Variants in ATG16L2 observed in about 807,000 individuals in gnomAD.
ATG16L2 encodes protein Atg16l2.
Under a neutral mutation model 84.7 loss-of-function variants are expected in ATG16L2, and 77 were observed. That is an observed-to-expected ratio of 0.91 (90% CI 0.76 to 1.10). ATG16L2 has a LOEUF of 1.10. ATG16L2 is among the 50% of genes least tolerant of loss of function. ATG16L2 has a pLI of 0.00. For synonymous variants in ATG16L2, 361 were observed against 342.8 expected (o/e 1.05, Z -0.59); for missense variants, 782 against 817.6 (o/e 0.96, Z 0.53).
intron 5 of ATG16L2, chr11:72,838,615 G>A: frequency 6.8e-6 from 4 of 588,490 alleles, no homozygotes; most frequent in African/African-American, 5.6e-5. Context: ...AAAAAAAAAA[G>A]GCACGAAATA....
chr11:72,832,623 T>C (rs1268268036), downstream of ATG16L2, among the ~76,000 whole-genome samples: 1 of 152,232 alleles, frequency 6.6e-6, no homozygotes, highest in African/African-American at 2.4e-5. Flanking sequence ...TTCAGAACTC[T>C]GGTGCTCAGG....
intron 5 of ATG16L2, chr11:72,841,497 A>T (rs369315223): frequency 1.8e-4 from 290 of 1,611,050 alleles, no homozygotes; most frequent in Non-Finnish European, 2.4e-4. Context: ...AGCTCCTCTT[A>T]TCTGGGCTGG....
At chr11:72,835,747 A>ATTT (rs112275640) in intron 5 of ATG16L2, among the ~76,000 whole-genome samples, 1 of 139,498 alleles carries the variant, frequency 7.2e-6, no homozygotes, top group Non-Finnish European at 1.6e-5. Context: ...ACTGGAACAT[A>ATTT]TTTTTTTTTT....
intron 9 of ATG16L2, among the ~76,000 whole-genome samples, chr11:72,825,062 A>G (rs1860260453): frequency 6.6e-6 from 1 of 152,148 alleles, no homozygotes; most frequent in South Asian, 2.1e-4. Flanking sequence ...CTGGGAGGCC[A>G]GGAGGCCAGG....
chr11:72,823,709 TC>T, intron 7 of ATG16L2: 1 of 475,962 alleles, frequency 2.1e-6, no homozygotes, highest in Non-Finnish European at 4.2e-6. Flanking sequence ...GAGCCTAGGC[TC>T]CCCCCTCCTC....
At chr11:72,835,254 A>G (rs1284061696) in intron 5 of ATG16L2, among the ~76,000 whole-genome samples, 1 of 152,140 alleles carries the variant, frequency 6.6e-6, no homozygotes, top group African/African-American at 2.4e-5. Flanking sequence ...CCCTTCCCAC[A>G]TTTTTGGTAG....
intron 8 of ATG16L2, 114 bp downstream of exon 8, chr11:72,824,236 C>T: frequency 3.8e-6 from 5 of 1,321,900 alleles, no homozygotes; most frequent in Non-Finnish European, 5.4e-6. Flanking sequence ...AGCTGTCTGC[C>T]TGTGAGTCTG....
At chr11:72,843,307 C>T in exon 6 of ATG16L2, 1 of 1,613,850 alleles carries the variant, frequency 6.2e-7, no homozygotes, top group Non-Finnish European at 8.5e-7. Flanking sequence ...ACATAACCCA[C>T]TTGGCCAACT....
At chr11:72,841,340 C>CAAA (rs59748827) in intron 5 of ATG16L2, 2,048 of 372,886 alleles carry the variant, frequency 5.5e-3, no homozygotes, top group East Asian at 6.9e-3. Flanking sequence ...ACTCTGTCTC[C>CAAA]AAAAAAAAAA....
chr11:72,820,054 CT>C (rs1859906612), intron 3 of ATG16L2: 1 of 152,096 alleles, frequency 6.6e-6, no homozygotes, highest in Admixed American at 6.6e-5. Flanking sequence ...CTTTTCTTTT[CT>C]TTTGTAAAAA....
At chr11:72,838,524 A>G in intron 5 of ATG16L2, 2 of 514,360 alleles carry the variant, frequency 3.9e-6, no homozygotes, top group Non-Finnish European at 7.1e-6. Context: ...ACTGTTAGGC[A>G]TGAGGGCTGC....
Position 72,825,352 on chromosome 11 carries a change from C to A in ATG16L2, c.1047C>A (p.Ser349Arg). Residue 349 changes from serine to arginine, a missense_variant, in exon 10 of 18, where the codon AGC becomes AGA. Physicochemically the swap from Ser to Arg is moderately radical, Grantham distance 110. Transcript: ENST00000321297. ...CTGTTCGTTTTGGCCCCAACAGCAG[C>A]CTCCTGGCCACTGGAGGGGCTGACC... Reference protein sequence around the residue: ...VNAVRFGPNSSLLATGGADRL... With the variant: ...VNAVRFGPNSRLLATGGADRL... 2 of 1,613,534 alleles carry A rather than the reference C, an allele frequency of 1.2e-6. No individual in the cohort carries two copies. Among genetic ancestry groups the A allele is most frequent in the South Asian group, 2.2e-5 (2 of 91,060 alleles).
intron 5 of ATG16L2, chr11:72,841,364 A>T: frequency 6.0e-6 from 6 of 1,000,840 alleles, no homozygotes; most frequent in Non-Finnish European, 8.4e-6. Flanking sequence ...AAAAAAAAAA[A>T]GCAAATGCAG....
In ATG16L2 at chr11:72,826,704, A is replaced by G; in HGVS notation, c.1247A>G (p.Glu416Gly). Residue 416 changes from glutamate to glycine, a missense_variant and splice_region_variant, in exon 13 of 18, where the codon GAG (glutamate) becomes GGG (glycine). Glu to Gly is a moderately conservative substitution (Grantham distance 98). Coordinates refer to ENST00000321297, the MANE Select transcript of ATG16L2 (RefSeq NM_033388.2). ...TCCGTACCTGGGGCCGGGGTACAGG[A>G]GACACTGTCTGGACACAAGGATAAG... ...LWKVGEAQSK[E>G]TLSGHKDKVT... The G allele has an allele frequency of 1.2e-6, 2 of 1,614,114 alleles. No individual in the cohort carries two copies. Among genetic ancestry groups the G allele is most frequent in the Non-Finnish European group, 1.7e-6 (2 of 1,180,000 alleles).
chr11:72,823,752 T>G (rs749096417), intron 7 of ATG16L2: 1 of 511,722 alleles, frequency 2.0e-6, no homozygotes, highest in African/African-American at 1.9e-5. Flanking sequence ...CTTCAGCGTC[T>G]CTCCTCCCTG....
intron 9 of ATG16L2, 70 bp from the exon 10 acceptor site, chr11:72,825,232 G>T: frequency 8.2e-7 from 1 of 1,213,604 alleles, no homozygotes. Context: ...GCACCGGTAA[G>T]AGGGCCCGTG....
chr11:72,840,370 C>T (rs953491983), intron 5 of ATG16L2, among the ~76,000 whole-genome samples: 3 of 152,144 alleles, frequency 2.0e-5, no homozygotes, highest in African/African-American at 7.2e-5. Context: ...ACTGGATTAC[C>T]GTGCAAGTTA....
chr11:72,822,412 C>G lies in ATG16L2; in HGVS notation c.645-66C>G, dbSNP rs965814851. Reference sequence around the variant, plus strand: ...GCAGCCGCCCCCTGGAGGAAGGGACCGGGTCTAGCCCCGCCTGCGTGCGAG... The same window carrying G: ...GCAGCCGCCCCCTGGAGGAAGGGACGGGGTCTAGCCCCGCCTGCGTGCGAG... On this transcript the variant is annotated intron_variant, in intron 5 of 17. Coordinates refer to ENST00000321297, the MANE Select transcript of ATG16L2 (RefSeq NM_033388.2). The surrounding 1 kb of genome is among the most constrained non-coding windows in gnomAD (Gnocchi z 4.2). The G allele has an allele frequency of 6.2e-7, 1 of 1,604,966 alleles. No individual in the cohort carries two copies. The highest frequency in any genetic ancestry group is 8.5e-7 in the Non-Finnish European group (1 of 1,175,536).
exon 6 of ATG16L2, chr11:72,843,189 G>C: frequency 1.2e-6 from 2 of 1,613,982 alleles, no homozygotes; most frequent in Non-Finnish European, 1.7e-6. Context: ...AACGAGTTCT[G>C]CTTCCGTGGA....
Sources: allele counts gnomAD v4.1 joint callset (sites outside exome capture counted in the v4.1 genomes callset), GRCh38; gene constraint gnomAD v4.1.1; non-coding constraint Gnocchi (gnomAD v3.1); transcripts MANE v1.5; gene names NCBI Gene and HGNC (gene_info 2026-07-23, HGNC 2026-07-21).